Variants in TET3 observed in about 807,000 individuals in gnomAD.
The protein encoded by TET3 is methylcytosine dioxygenase TET3.
A neutral mutation model predicts 141.4 loss-of-function variants in TET3; 19 were observed. The ratio of observed to expected loss-of-function variants is 0.13; its 90% confidence interval spans 0.09 to 0.20. The LOEUF (loss-of-function observed/expected upper bound fraction) is 0.20. Among genes scored for constraint, TET3 ranks in the 10% least tolerant of loss-of-function variants. The pLI is 1.00. For missense variants in TET3, 1,874 were observed against 2,356.9 expected, an observed-to-expected ratio of 0.80 and a Z score of 4.24; for synonymous variants, 1,043 against 980.9, an observed-to-expected ratio of 1.06 and a Z score of -1.18.
At chr2:74,118,495 T>G in the TET3 span, among the ~76,000 whole-genome samples, 1 of 152,218 alleles carries the variant, frequency 6.6e-6, no homozygotes, top group Admixed American at 6.5e-5. Flanking sequence ...CTGGCTTACT[T>G]TATTGTAAGA....
At chr2:74,082,457 A>G (rs1423431041) in intron 6 of TET3, among the ~76,000 whole-genome samples, 1 of 152,186 alleles carries the variant, frequency 6.6e-6, no homozygotes, top group Non-Finnish European at 1.5e-5. Flanking sequence ...AGGAGGGAAC[A>G]ACTCGTGGGT....
At chr2:74,023,478 A>C (rs1409768840) in intron 3 of TET3, among the ~76,000 whole-genome samples, 4 of 152,132 alleles carry the variant, frequency 2.6e-5, no homozygotes, top group Admixed American at 1.3e-4. Flanking sequence ...CCTGGACTCA[A>C]GTGATCGTCC....
intron 3 of TET3, 63 bp downstream of exon 3, chr2:74,003,229 G>T (rs1463675597): frequency 4.5e-6 from 7 of 1,540,912 alleles, no homozygotes; most frequent in Non-Finnish European, 6.1e-6. Context: ...TGTTTGACCG[G>T]ATTGGATAAA....
rs181428240 is a variant in TET3 at position 74,013,231 on chromosome 2, T to A, written c.360+10065T>A. Among the ~76,000 whole-genome samples, 265 of 152,048 alleles carry A rather than the reference T, an allele frequency of 1.7e-3. 1 individual carries two copies. The East Asian group carries it at 0.024, about 14-fold the overall frequency. On this transcript the variant is annotated intron_variant, in intron 3 of 11. Coordinates refer to ENST00000409262, the MANE Select transcript of TET3 (RefSeq NM_001287491.2). ...GGATGGTCTCGATCTCCTGACCTCA[T>A]GATCCGCCCACCTCGGCCTCCCAAA...
intron 6 of TET3, among the ~76,000 whole-genome samples, chr2:74,084,797 C>T (rs1253479383): frequency 3.3e-5 from 5 of 151,954 alleles, no homozygotes; most frequent in Non-Finnish European, 7.4e-5. Flanking sequence ...ATTAGCCAGG[C>T]GTGGTAGCAT....
chr2:74,053,400 T>C (rs1028794071), intron 4 of TET3, among the ~76,000 whole-genome samples: 1 of 152,142 alleles, frequency 6.6e-6, no homozygotes, highest in African/African-American at 2.4e-5. Flanking sequence ...CAAATGACTT[T>C]TTAGTGGGAA....
chr2:74,000,362 G>C lies in TET3; in HGVS notation c.304-2748G>C, dbSNP rs1378110239. Among the ~76,000 whole-genome samples, 3 of 152,194 alleles carry C rather than the reference G, an allele frequency of 2.0e-5. 1 individual carries two copies. Among genetic ancestry groups the C allele is most frequent in the Admixed American group, 2.0e-4 (3 of 15,280 alleles). On this transcript the variant is annotated intron_variant, in intron 2 of 11. Transcript: ENST00000409262. ...CCCCCGCCCACGTGGGAGGACTGCC[G>C]TGTAAATAAATAACTGCACTTTATT... is the stretch of plus-strand genomic sequence containing the variant.
intron 3 of TET3, among the ~76,000 whole-genome samples, chr2:74,020,258 T>TA (rs1348924038): frequency 1.3e-5 from 2 of 152,166 alleles, no homozygotes; most frequent in Non-Finnish European, 2.9e-5. Flanking sequence ...GATCTTAGCT[T>TA]ACTGCAATCT....
At chr2:73,988,799 G>T (rs1019476129) in intron 2 of TET3, among the ~76,000 whole-genome samples, 3 of 152,032 alleles carry the variant, frequency 2.0e-5, no homozygotes, top group African/African-American at 7.2e-5. Flanking sequence ...CTAACTTTCT[G>T]TGACTCAAAG....
Position 74,047,373 on chromosome 2 carries a change from ACCAAGC to A in TET3, c.1462_1467del (p.Pro488_Lys489del), listed in dbSNP as rs1558744284. ...ATTCAAGCGGCCTGAGGCCCTGCCT[ACCAAGC>A]CCAAGGTCAAGGTGGAGGCACCCTC... On this transcript the variant is annotated inframe_deletion, in exon 4 of 12. Coordinates refer to ENST00000409262, the MANE Select transcript of TET3 (RefSeq NM_001287491.2). 3 of 1,613,830 alleles carry A rather than the reference ACCAAGC, an allele frequency of 1.9e-6. No homozygotes were observed. The highest frequency in any genetic ancestry group is 2.2e-5 in the East Asian group (1 of 44,862).
Position 74,090,092 on chromosome 2 carries a change from C to G in TET3, c.3039+45C>G, listed in dbSNP as rs576784900. On this transcript the variant is annotated intron_variant, in intron 8 of 11. Coordinates refer to ENST00000409262, the MANE Select transcript of TET3 (RefSeq NM_001287491.2). ...GACCCTGCCTCCCATCCTTTCTCGC[C>G]TGGCGTCCTTCATGGTCCAGCGGGA... The G allele has an allele frequency of 5.6e-6, 9 of 1,605,072 alleles. No homozygotes were observed. In the Admixed American group the frequency reaches 1.0e-4, roughly 18 times the overall value.
chr2:74,030,381 T>C (rs1444278319), intron 3 of TET3, among the ~76,000 whole-genome samples: 2 of 152,236 alleles, frequency 1.3e-5, no homozygotes, highest in Non-Finnish European at 2.9e-5. Flanking sequence ...TGTTTATAAT[T>C]GCAGGTTTAG....
rs1689339811 is a variant in TET3 at position 74,073,699 on chromosome 2, T to C, written c.2585+60T>C. ...TGTGCTGTTAATGGAATACGGATAT[T>C]AAGCGCCTCTCATTTTTCTTTGCCT... On this transcript the variant is annotated intron_variant, in intron 5 of 11. Transcript: ENST00000409262. 2.2e-6 allele frequency: 3 copies of C among 1,364,672 alleles called. No individual in the cohort carries two copies. In the East Asian group the frequency reaches 7.4e-5, roughly 34 times the overall value. The allele number at this position is 1,364,672 out of a possible 1,614,324, so 84.5% of individuals were successfully genotyped here.
rs545832677 is a variant in TET3, at chr2:74,065,547, T to C, written c.2495-8002T>C. Among the ~76,000 whole-genome samples, 4 of 143,174 alleles carry C rather than the reference T, an allele frequency of 2.8e-5. No individual in the cohort carries two copies. The East Asian group carries it at 7.8e-4, about 28-fold the overall frequency. 93.9% of individuals were successfully genotyped at this position (143,174 alleles called of 152,430 possible). A position where few individuals can be genotyped will look rare whatever the true frequency, so the allele number is the denominator to read the frequency against. ...CATTTCTCCAAGACCACCTGATTTC[T>C]TTTTTTTGTTTTTTTTTTTTTTGGC... is the stretch of plus-strand genomic sequence containing the variant. On this transcript the variant is annotated intron_variant, in intron 4 of 11. Transcript: ENST00000409262.
At position 74,104,855 on chromosome 2, in the gene TET3, A is replaced by T. The variant is rs1691413769; in HGVS notation, c.*2679A>T. The T allele has an allele frequency of 3.8e-6, 1 of 261,810 alleles. No individual in the cohort carries two copies. The highest frequency in any genetic ancestry group is 5.4e-5 in the Admixed American group (1 of 18,476). 16.2% of individuals were successfully genotyped at this position (261,810 alleles called of 1,614,324 possible). On this transcript the variant is annotated 3_prime_UTR_variant, in exon 12 of 12. Transcript: ENST00000409262. ...GAGATAGGCTGCTGAGAGGTGAGTC[A>T]AGAGGCAGTCTCCATTGGATGTCCC...
the TET3 span, among the ~76,000 whole-genome samples, chr2:74,130,094 C>CAAA: frequency 1.4e-4 from 18 of 126,646 alleles, no homozygotes; most frequent in African/African-American, 3.3e-4. Flanking sequence ...GAGTCTGTCT[C>CAAA]AAAAAAAAAA....
chr2:74,108,238 C>A (rs981932816), downstream of TET3: 4 of 153,704 alleles, frequency 2.6e-5, no homozygotes, highest in African/African-American at 9.7e-5. Context: ...GTGTCAGGTA[C>A]CCTGTAACCT....
rs781389718 is a variant in TET3 at position 74,102,107 on chromosome 2, A to G, written c.5319A>G (p.Thr1773=). Residue 1773 remains threonine (T), a synonymous_variant, in exon 12 of 12, where the codon ACA becomes ACG. Coordinates refer to ENST00000409262, the MANE Select transcript of TET3 (RefSeq NM_001287491.2). ...CCCGGCAGGCACTGGCTGTGCCCAC[A>G]GACTCGGCGGTCACCGTGTCCTCCT... ...VPTRQALAVP[T]DSAVTVSSYA... The G allele has an allele frequency of 1.3e-6, 2 of 1,496,642 alleles. No homozygotes were observed. Among genetic ancestry groups the G allele is most frequent in the Non-Finnish European group, 1.8e-6 (2 of 1,124,032 alleles). The allele number at this position is 1,496,642 out of a possible 1,614,324, so 92.7% of individuals were successfully genotyped here.
At chr2:74,001,988 G>A (rs563431851) in intron 2 of TET3, among the ~76,000 whole-genome samples, 1 of 152,096 alleles carries the variant, frequency 6.6e-6, no homozygotes, top group South Asian at 2.1e-4. Context: ...GTGAGGTGTG[G>A]GTGTTTGTGT....
Sources: gnomAD v4.1 joint callset for allele counts (sites outside exome capture counted in the v4.1 genomes callset) on GRCh38, gnomAD v4.1.1 for gene constraint, MANE v1.5 for transcripts, NCBI Gene and HGNC (gene_info 2026-07-23, HGNC 2026-07-21) for gene names.